Variants in LRRIQ1 observed in about 807,000 individuals in gnomAD.
The protein encoded by LRRIQ1 is leucine-rich repeat- and IQ domain-containing protein 1.
A neutral mutation model predicts 211.9 loss-of-function variants in LRRIQ1; 210 were observed. The observed-to-expected ratio is 0.99, with a 90% CI of 0.89 to 1.11. LRRIQ1 has a LOEUF of 1.11. Among genes scored for constraint, LRRIQ1 ranks in the 50% most tolerant of loss-of-function variants. LRRIQ1 has a pLI of 0.00. For missense variants in LRRIQ1, 2,136 were observed against 1,939.5 expected (o/e 1.10, Z -1.90); for synonymous variants, 699 against 650.1 (o/e 1.08, Z -1.14).
chr12:85,044,066 G>A (rs1411649758), intron 3 of LRRIQ1, among the ~76,000 whole-genome samples: 2 of 152,070 alleles, frequency 1.3e-5, no homozygotes, highest in Non-Finnish European at 2.9e-5. Context: ...GAAAGGTAGT[G>A]AATAGGTGTT....
chr12:85,151,215 C>T (rs1890221118), intron 19 of LRRIQ1, among the ~76,000 whole-genome samples: 1 of 151,492 alleles, frequency 6.6e-6, no homozygotes, highest in Non-Finnish European at 1.5e-5. Context: ...AATAGAGGCA[C>T]ACTATTTACA....
intron 10 of LRRIQ1, among the ~76,000 whole-genome samples, chr12:85,069,855 G>A (rs1223694103): frequency 6.6e-6 from 1 of 152,020 alleles, no homozygotes; most frequent in African/African-American, 2.4e-5. Context: ...TGTCAGATGA[G>A]TAGGTTGCAA....
intron 19 of LRRIQ1, among the ~76,000 whole-genome samples, chr12:85,143,249 A>G (rs1239400431): frequency 6.6e-6 from 1 of 151,652 alleles, no homozygotes; most frequent in African/African-American, 2.4e-5. Flanking sequence ...AGCCACTTGT[A>G]TGTCTTCTTT....
intron 26 of LRRIQ1, among the ~76,000 whole-genome samples, chr12:85,237,932 G>C (rs996619010): frequency 6.6e-6 from 1 of 151,804 alleles, no homozygotes; most frequent in Non-Finnish European, 1.5e-5. Context: ...AATGAGCCTT[G>C]TAAGAAAAAA....
At chr12:85,164,918 A>G (rs1332919281) in intron 24 of LRRIQ1, among the ~76,000 whole-genome samples, 1 of 152,196 alleles carries the variant, frequency 6.6e-6, no homozygotes, top group Non-Finnish European at 1.5e-5. Flanking sequence ...AAATAAGGTA[A>G]AACTCTGAGA....
chr12:85,254,388 T>C (rs1896030105), intron 1 of LRRIQ1, among the ~76,000 whole-genome samples: 1 of 152,172 alleles, frequency 6.6e-6, no homozygotes, highest in Admixed American at 6.6e-5. Context: ...GGAGCTCTGC[T>C]ACTTCCTACT....
intron 15 of LRRIQ1, among the ~76,000 whole-genome samples, chr12:85,113,766 A>G (rs1011300832): frequency 1.3e-5 from 2 of 152,176 alleles, no homozygotes; most frequent in African/African-American, 4.8e-5. Flanking sequence ...TACAGTACTC[A>G]GACTTCTAAA....
chr12:85,158,901 A>AT (rs948410835), intron 23 of LRRIQ1, among the ~76,000 whole-genome samples: 1 of 146,184 alleles, frequency 6.8e-6, no homozygotes, highest in Non-Finnish European at 1.5e-5. Context: ...TTATTTATTC[A>AT]TTTTTTTATT....
intron 8 of LRRIQ1, among the ~76,000 whole-genome samples, chr12:85,059,472 C>T (rs1343017447): frequency 6.6e-6 from 1 of 151,986 alleles, no homozygotes; most frequent in Non-Finnish European, 1.5e-5. Context: ...CTGGGAGATG[C>T]AGCTCCCTGC....
chr12:85,121,120 A>G (rs536869659), intron 15 of LRRIQ1, among the ~76,000 whole-genome samples: 1 of 152,182 alleles, frequency 6.6e-6, no homozygotes, highest in African/African-American at 2.4e-5. Context: ...GGTGCGCACC[A>G]CCAAAAATTG....
intron 19 of LRRIQ1, among the ~76,000 whole-genome samples, chr12:85,145,700 C>T (rs888694698): frequency 5.3e-5 from 8 of 151,694 alleles, no homozygotes; most frequent in African/African-American, 1.9e-4. Flanking sequence ...TTCTAAACGG[C>T]TGTTAGCAAC....
intron 24 of LRRIQ1, among the ~76,000 whole-genome samples, chr12:85,192,386 T>C (rs578211747): frequency 7.3e-6 from 1 of 137,742 alleles, no homozygotes; most frequent in African/African-American, 2.7e-5. Flanking sequence ...TATATAAATA[T>C]ATATAGTGTA....
intron 24 of LRRIQ1, among the ~76,000 whole-genome samples, chr12:85,227,010 G>A (rs992265796): frequency 6.6e-6 from 1 of 151,862 alleles, no homozygotes; most frequent in African/African-American, 2.4e-5. Context: ...TGTCTTTATA[G>A]CAGCATGATT....
intron 15 of LRRIQ1, among the ~76,000 whole-genome samples, chr12:85,113,907 T>TG (rs1887368171): frequency 1.4e-4 from 20 of 140,866 alleles, no homozygotes; most frequent in Admixed American, 2.1e-4. Context: ...CAAATGAGTT[T>TG]TGTGTGTGTG....
chr12:85,140,805 C>G (rs1303273585), intron 19 of LRRIQ1, among the ~76,000 whole-genome samples: 1 of 151,146 alleles, frequency 6.6e-6, no homozygotes, highest in African/African-American at 2.4e-5. Flanking sequence ...GCTGCTGCTA[C>G]TGATAATGAT....
At chr12:85,047,582 C>A in intron 6 of LRRIQ1, 112 bp downstream of exon 6, 1 of 816,150 alleles carries the variant, frequency 1.2e-6, no homozygotes, top group African/African-American at 1.7e-5. Context: ...TTTAATTACT[C>A]TCTGATAGAG....
At position 85,205,877 on chromosome 12, in the gene LRRIQ1, G is replaced by T. The variant is rs537024377; in HGVS notation, c.4823-23640G>T. Among the ~76,000 whole-genome samples the T allele has an allele frequency of 6.6e-5, 10 of 152,250 alleles. No homozygotes were observed. In the South Asian group the frequency reaches 2.1e-3, roughly 32 times the overall value. ...TTCAAGCTCAGAGTTTCTTTCCTCA[G>T]CTCCGTTGATCCTGCTGTTAATACT... On this transcript the variant is annotated intron_variant, in intron 24 of 26. Coordinates refer to ENST00000393217, the MANE Select transcript of LRRIQ1 (RefSeq NM_001079910.2).
chr12:85,066,249 C>A (rs184089644), intron 9 of LRRIQ1, among the ~76,000 whole-genome samples: 1 of 152,004 alleles, frequency 6.6e-6, no homozygotes, highest in Non-Finnish European at 1.5e-5. Context: ...GCTCAAAGCA[C>A]AGGCTTTTCT....
At chr12:85,269,103 G>C (rs528199047), downstream of LRRIQ1, among the ~76,000 whole-genome samples, 1 of 152,088 alleles carries the variant, frequency 6.6e-6, no homozygotes, top group South Asian at 2.1e-4. Context: ...CCAGGTAATG[G>C]AGAGTAGAAC....
Sources: gnomAD v4.1 joint callset for allele counts (sites outside exome capture counted in the v4.1 genomes callset) on GRCh38, gnomAD v4.1.1 for gene constraint, MANE v1.5 for transcripts, NCBI Gene and HGNC (gene_info 2026-07-23, HGNC 2026-07-21) for gene names.